PTPRZ1: variants seen among roughly 807,000 people sequenced by gnomAD.
PTPRZ1 encodes protein tyrosine phosphatase receptor type Z1, also known as receptor-type tyrosine-protein phosphatase zeta.
In PTPRZ1, 82 loss-of-function variants were observed where a neutral mutation model predicts 214.1. The ratio of observed to expected loss-of-function variants is 0.38; its 90% CI spans 0.32 to 0.46. The LOEUF is 0.46. Among genes scored for constraint, PTPRZ1 ranks in the 20% least tolerant of loss-of-function variants. The probability of loss-of-function intolerance (pLI) is 1.00; values close to 1 mark genes in which losing one functional copy is unlikely to be tolerated. For synonymous variants in PTPRZ1, 945 were observed against 987.9 expected, an observed-to-expected ratio of 0.96 and a Z score of 0.81; for missense variants, 2,603 against 2,748.7, an observed-to-expected ratio of 0.95 and a Z score of 1.19.
chr7:121,904,295 AC>A (rs1485865282), intron 1 of PTPRZ1, among the ~76,000 whole-genome samples: 1 of 151,980 alleles, frequency 6.6e-6, no homozygotes, highest in Non-Finnish European at 1.5e-5. Context: ...AATCAAGGAC[AC>A]CCCAGAAGGA....
chr7:122,038,125 A>G (rs1230359373), intron 18 of PTPRZ1, among the ~76,000 whole-genome samples: 4 of 152,094 alleles, frequency 2.6e-5, no homozygotes, highest in African/African-American at 9.7e-5. Context: ...CGTGGGGGAA[A>G]TCACCCTCAT....
intron 1 of PTPRZ1, among the ~76,000 whole-genome samples, chr7:121,883,842 C>T (rs1247523248): frequency 6.6e-6 from 1 of 152,062 alleles, no homozygotes; most frequent in Admixed American, 6.6e-5. Flanking sequence ...GTCAGGGTGG[C>T]CTCTAACTCC....
chr7:122,018,352 A>G (rs1798908994), intron 12 of PTPRZ1, among the ~76,000 whole-genome samples: 1 of 152,196 alleles, frequency 6.6e-6, no homozygotes, highest in South Asian at 2.1e-4. Context: ...GTGATTTTCA[A>G]AGTGCTAGTA....
In PTPRZ1 at chr7:122,044,526, T is replaced by C. The variant is rs980933263; in HGVS notation, c.6042T>C (p.Ile2014=). ...HIHAYVNALL[I]PGPAGKTKLE... is the part of the protein sequence containing the mutation. The stretch of plus-strand genomic sequence containing the variant: ...ATGCCTATGTTAATGCACTCCTCAT[T>C]CCTGGACCAGCAGGCAAAACAAAGC... The change falls in exon 23 of 30, where the codon ATT becomes ATC. Residue 2014 remains isoleucine (I), a synonymous_variant. Coordinates refer to ENST00000393386, the MANE Select transcript of PTPRZ1 (RefSeq NM_002851.3). 6.2e-7 allele frequency: 1 copy of C among 1,613,762 alleles called. No individual in the cohort carries two copies. The highest frequency in any genetic ancestry group is 8.5e-7 in the Non-Finnish European group (1 of 1,179,824).
At chr7:122,020,782 GT>G (rs1246401444) in intron 13 of PTPRZ1, among the ~76,000 whole-genome samples, 4 of 151,610 alleles carry the variant, frequency 2.6e-5, no homozygotes, top group Non-Finnish European at 4.4e-5. Flanking sequence ...AACAAACCTG[GT>G]TTCTTTAGTC....
At chr7:122,041,753 G>A (rs1193355144) in intron 21 of PTPRZ1, among the ~76,000 whole-genome samples, 1 of 152,194 alleles carries the variant, frequency 6.6e-6, no homozygotes, top group Non-Finnish European at 1.5e-5. Flanking sequence ...AGAGAATCAA[G>A]TGTTTGCCTT....
intron 2 of PTPRZ1, among the ~76,000 whole-genome samples, chr7:121,936,997 G>A (rs1002635865): frequency 2.0e-5 from 3 of 152,198 alleles, no homozygotes; most frequent in African/African-American, 7.2e-5. Flanking sequence ...CTGAACCAGA[G>A]CTGGGCCTTC....
intron 1 of PTPRZ1, among the ~76,000 whole-genome samples, chr7:121,915,557 C>T (rs930826491): frequency 6.6e-6 from 1 of 152,008 alleles, no homozygotes; most frequent in African/African-American, 2.4e-5. Context: ...CTTAATTTAC[C>T]AATGAACTTG....
At chr7:122,007,603 T>G (rs912909898) in intron 11 of PTPRZ1, among the ~76,000 whole-genome samples, 1 of 152,122 alleles carries the variant, frequency 6.6e-6, no homozygotes, top group African/African-American at 2.4e-5. Context: ...GGAAAATGCA[T>G]GGAATATATT....
At chr7:121,878,388 C>T (rs1794127187) in intron 1 of PTPRZ1, among the ~76,000 whole-genome samples, 1 of 152,122 alleles carries the variant, frequency 6.6e-6, no homozygotes, top group Non-Finnish European at 1.5e-5. Context: ...ATTGATAGAA[C>T]TCATGAGGAG....
intron 23 of PTPRZ1, among the ~76,000 whole-genome samples, chr7:122,048,482 A>G (rs569308049): frequency 6.6e-6 from 1 of 152,298 alleles, no homozygotes; most frequent in East Asian, 1.9e-4. Flanking sequence ...TAAAATAACT[A>G]AAAGCATATC....
intron 1 of PTPRZ1, among the ~76,000 whole-genome samples, chr7:121,881,493 G>A (rs183873937): frequency 6.6e-6 from 1 of 152,298 alleles, no homozygotes; most frequent in Admixed American, 6.5e-5. Flanking sequence ...AGCACAGCCT[G>A]GGACTGAAAC....
intron 22 of PTPRZ1, among the ~76,000 whole-genome samples, chr7:122,043,291 T>G (rs1799786647): frequency 6.6e-6 from 1 of 152,146 alleles, no homozygotes; most frequent in Non-Finnish European, 1.5e-5. Flanking sequence ...GAATATCCTT[T>G]AAAATGACAC....
Position 121,984,055 on chromosome 7 carries a change from A to G in PTPRZ1, c.866A>G (p.Gln289Arg). Residue 289 changes from glutamine (Q) to arginine (R), a missense_variant, in exon 8 of 30, where the codon CAG becomes CGG. This residue lies in a region of PTPRZ1 where 244 missense variants were observed against 333.2 expected (regional missense o/e 0.73). Transcript: ENST00000393386. ...DYLQNNFREQ[Q>R]YKFSRQVFSS... The stretch of plus-strand genomic sequence containing the variant: ...TTACAAAACAATTTTCGAGAGCAAC[A>G]GTACAAGTTCTCTAGACAGGTGTTT... 1.2e-6 allele frequency: 2 copies of G among 1,613,596 alleles called. No individual in the cohort carries two copies. Among genetic ancestry groups the G allele is most frequent in the Non-Finnish European group, 1.7e-6 (2 of 1,179,616 alleles).
At chr7:121,984,414 T>C (rs1410462619) in intron 8 of PTPRZ1, among the ~76,000 whole-genome samples, 4 of 152,124 alleles carry the variant, frequency 2.6e-5, no homozygotes, top group Middle Eastern at 3.2e-3. Flanking sequence ...CAAAGCAAAG[T>C]ACACACCTCC....
At chr7:121,951,181 A>G (rs1328938060) in intron 2 of PTPRZ1, among the ~76,000 whole-genome samples, 16 of 152,324 alleles carry the variant, frequency 1.1e-4, no homozygotes, top group Middle Eastern at 3.4e-3. Flanking sequence ...GTTTTTATAG[A>G]GATATGATCT....
At chr7:122,021,565 C>G (rs1799017871) in intron 13 of PTPRZ1, among the ~76,000 whole-genome samples, 1 of 152,106 alleles carries the variant, frequency 6.6e-6, no homozygotes, top group African/African-American at 2.4e-5. Flanking sequence ...AGACCTCCAT[C>G]TCTACAAAAA....
At chr7:122,019,562 A>G (rs931314447) in intron 13 of PTPRZ1, among the ~76,000 whole-genome samples, 1 of 152,172 alleles carries the variant, frequency 6.6e-6, no homozygotes, top group South Asian at 2.1e-4. Context: ...AGCATTTAAC[A>G]TAAGTCTAAG....
chr7:121,882,555 G>C (rs146136937), intron 1 of PTPRZ1, among the ~76,000 whole-genome samples: 1 of 152,050 alleles, frequency 6.6e-6, no homozygotes, highest in Non-Finnish European at 1.5e-5. Flanking sequence ...GGTCTCAAAT[G>C]GTAGGTAGGA....
Sources: gnomAD v4.1 joint callset for allele counts (sites outside exome capture counted in the v4.1 genomes callset) on GRCh38, gnomAD v4.1.1 for gene constraint, gnomAD v4.1.1 regional missense constraint, MANE v1.5 for transcripts, NCBI Gene and HGNC (gene_info 2026-07-23, HGNC 2026-07-21) for gene names.